Variants in R3HDM1 observed in about 807,000 individuals in gnomAD.
R3HDM1 encodes the protein R3H domain containing 1.
Under a neutral mutation model 141.1 loss-of-function variants are expected in R3HDM1, and 46 were observed. That is an observed-to-expected ratio of 0.33 (90% CI 0.26 to 0.42). R3HDM1 has a LOEUF of 0.42. R3HDM1 is among the 10% of genes least tolerant of loss of function. The probability of loss-of-function intolerance (pLI) is 1.00; values close to 1 mark genes in which losing one functional copy is unlikely to be tolerated. For synonymous variants in R3HDM1, 435 were observed against 472.9 expected, an observed-to-expected ratio of 0.92 and a Z score of 1.04; for missense variants, 1,184 against 1,368.3, an observed-to-expected ratio of 0.87 and a Z score of 2.12.
At chr2:135,677,922 G>A (rs529893472) in intron 20 of R3HDM1, among the ~76,000 whole-genome samples, 57 of 151,886 alleles carry the variant, frequency 3.8e-4, no homozygotes, top group Non-Finnish European at 6.0e-4. Flanking sequence ...GTGGTCGGTC[G>A]CTTGCTCTCT....
At chr2:135,658,960 C>CGTGGAGCTGTCGTCTCCTAT (rs2066277747) in intron 18 of R3HDM1, among the ~76,000 whole-genome samples, 1 of 151,994 alleles carries the variant, frequency 6.6e-6, no homozygotes, top group Non-Finnish European at 1.5e-5. Context: ...CAGTAACACA[C>CGTGGAGCTGTCGTCTCCTAT]GTGGAGCTGT....
In R3HDM1 at chr2:135,675,376, G is replaced by T; in HGVS notation, c.2197G>T (p.Val733Phe). Reference protein sequence around the residue: ...PNQQQNYQGIVGVQQPQSQSL... With the variant: ...PNQQQNYQGIFGVQQPQSQSL... ...CCAGCAGCAAAACTACCAAGGAATA[G>T]TTGGAGTTCAGCAACCCCAGAGTCA... is the stretch of plus-strand genomic sequence containing the variant. Residue 733 changes from valine (V) to phenylalanine (F), a missense_variant, in exon 20 of 27, where the codon GTT becomes TTT. Coordinates refer to ENST00000683871, the MANE Select transcript of R3HDM1 (RefSeq NM_001378107.1). The T allele has an allele frequency of 1.2e-6, 2 of 1,613,940 alleles. No individual in the cohort carries two copies. Among genetic ancestry groups the T allele is most frequent in the Non-Finnish European group, 1.7e-6 (2 of 1,179,882 alleles).
intron 1 of R3HDM1, chr2:135,565,906 G>A (rs917533933): frequency 6.6e-6 from 1 of 152,208 alleles, no homozygotes; most frequent in Non-Finnish European, 1.5e-5. Flanking sequence ...CTATTTATTG[G>A]TGATCAAACA....
At chr2:135,616,882 G>A (rs2061068650) in intron 5 of R3HDM1, 125 bp downstream of exon 5, 1 of 801,252 alleles carries the variant, frequency 1.2e-6, no homozygotes, top group Non-Finnish European at 2.0e-6. Context: ...AATAATACTT[G>A]GCACCCAAGA....
At chr2:135,532,852 C>G (rs1695219290) in intron 1 of R3HDM1, among the ~76,000 whole-genome samples, 1 of 152,170 alleles carries the variant, frequency 6.6e-6, no homozygotes, top group Non-Finnish European at 1.5e-5. Context: ...GTACGCTCGT[C>G]TTTTCAAATA....
chr2:135,677,686 T>C (rs2069439848), intron 20 of R3HDM1, among the ~76,000 whole-genome samples: 1 of 152,208 alleles, frequency 6.6e-6, no homozygotes, highest in Non-Finnish European at 1.5e-5. Context: ...AATTCTCACA[T>C]TGGCTGAATA....
rs1057337751 is a variant in R3HDM1, at chr2:135,558,940, A to G, written c.-250+27307A>G. On this transcript the variant is annotated intron_variant, in intron 1 of 26. Transcript: ENST00000683871. Reference sequence around the variant, plus strand: ...TTTTCTTCTCTGAAAGTCAAAATGTAATTTAAAAAGTTTAAAGGGTTACTA... The same window carrying G: ...TTTTCTTCTCTGAAAGTCAAAATGTGATTTAAAAAGTTTAAAGGGTTACTA... 8.1e-6 allele frequency: 7 copies of G among 860,058 alleles called. No homozygotes were observed. The African/African-American group carries it at 9.1e-5, about 11-fold the overall frequency. 53.3% of individuals were successfully genotyped at this position (860,058 alleles called of 1,614,324 possible).
Position 135,722,049 on chromosome 2 carries a change from C to T in R3HDM1, c.2964+43C>T, listed in dbSNP as rs201476614. 17 of 1,562,908 alleles carry T rather than the reference C, an allele frequency of 1.1e-5. No homozygotes were observed. In the African/African-American group the frequency reaches 2.2e-4, roughly 20 times the overall value. On this transcript the variant is annotated intron_variant, in intron 25 of 26. Coordinates refer to ENST00000683871, the MANE Select transcript of R3HDM1 (RefSeq NM_001378107.1). ...CCTCCTAGGCTTTGTTGCAGAACAT[C>T]ATAGCTCCCTCAGAGTGTAAGGGGC...
intron 21 of R3HDM1, among the ~76,000 whole-genome samples, chr2:135,706,804 G>A (rs529007855): frequency 2.0e-5 from 3 of 152,182 alleles, no homozygotes; most frequent in Non-Finnish European, 2.9e-5. Context: ...GCAACCATCC[G>A]ATTTCTCAAT....
In R3HDM1 at chr2:135,578,565, T is replaced by A. The variant is rs139591813; in HGVS notation, c.-249-23935T>A. The stretch of plus-strand genomic sequence containing the variant: ...CAAGTGTGGAGAAAGGAGCCCAAAA[T>A]GTAATGCAAGCACTAACAGATGAAC... On this transcript the variant is annotated intron_variant, in intron 1 of 26. Coordinates refer to ENST00000683871, the MANE Select transcript of R3HDM1 (RefSeq NM_001378107.1). 6.2e-4 allele frequency among the ~76,000 whole-genome samples: 95 copies of A among 152,324 alleles called. 1 individual carries two copies. In the East Asian group the frequency reaches 0.016, roughly 26 times the overall value.
intron 3 of R3HDM1, among the ~76,000 whole-genome samples, chr2:135,612,410 A>G (rs1210453574): frequency 6.6e-6 from 1 of 152,056 alleles, no homozygotes; most frequent in Non-Finnish European, 1.5e-5. Flanking sequence ...TAAATGTCAG[A>G]TTTTCTTAGT....
chr2:135,562,662 A>G (rs763468561), intron 1 of R3HDM1, among the ~76,000 whole-genome samples: 5 of 152,218 alleles, frequency 3.3e-5, no homozygotes, highest in African/African-American at 4.8e-5. Context: ...CTTCAGGTTC[A>G]TGAAGACCTG....
intron 1 of R3HDM1, among the ~76,000 whole-genome samples, chr2:135,593,284 T>C (rs1020893084): frequency 8.5e-5 from 13 of 152,194 alleles, no homozygotes; most frequent in African/African-American, 3.1e-4. Context: ...CCCTGAGTTA[T>C]TTATTTCAGT....
intron 14 of R3HDM1, among the ~76,000 whole-genome samples, chr2:135,639,529 A>AT (rs929864982): frequency 6.6e-6 from 1 of 152,150 alleles, no homozygotes; most frequent in Non-Finnish European, 1.5e-5. Flanking sequence ...TATTGATTGC[A>AT]TTTTTTATGA....
intron 9 of R3HDM1, among the ~76,000 whole-genome samples, chr2:135,633,355 A>G (rs996377998): frequency 2.0e-5 from 3 of 152,202 alleles, no homozygotes; most frequent in African/African-American, 7.2e-5. Context: ...ACACAAGCAC[A>G]TATACATTAG....
At chr2:135,663,452 CCTCTTAA>C (rs1328951888) in intron 19 of R3HDM1, among the ~76,000 whole-genome samples, 124 of 152,256 alleles carry the variant, frequency 8.1e-4, no homozygotes, top group African/African-American at 2.7e-3. Context: ...TATATAGTAT[CCTCTTAA>C]CTTACAGCTT....
In R3HDM1 at chr2:135,649,925, T is replaced by G. The variant is rs2064963102; in HGVS notation, c.1647T>G (p.Ser549=). 1 of 1,291,194 alleles carries G rather than the reference T, an allele frequency of 7.7e-7. No homozygotes were observed. Among genetic ancestry groups the G allele is most frequent in the African/African-American group, 1.5e-5 (1 of 65,664 alleles). The allele number at this position is 1,291,194 out of a possible 1,614,324, so 80.0% of individuals were successfully genotyped here. A position where few individuals can be genotyped will look rare whatever the true frequency, so the allele number is the denominator to read the frequency against. ...AGCCTGTTCATCCTCTGCAGTCCTC[T>G]TCACAGCCTGTTCAGTACTCTACAG... The part of the protein sequence containing the change: ...FSQPVHPLQS[S]SQPVQYSTAP... The change falls in exon 17 of 27, where the codon TCT becomes TCG. Residue 549 remains serine, a synonymous_variant. Coordinates refer to ENST00000683871, the MANE Select transcript of R3HDM1 (RefSeq NM_001378107.1).
chr2:135,641,764 G>T lies in R3HDM1; in HGVS notation c.1448G>T (p.Gly483Val), dbSNP rs780566390. ...LPLEAAGIPPGSILINPQTGQ... is the reference protein window; with the variant it reads ...LPLEAAGIPPVSILINPQTGQ... ...TTGGAAGCGGCAGGCATACCACCTG[G>T]CAGTATTCTGATCAACCCACAAACA... The change falls in exon 15 of 27, where the codon GGC (glycine) becomes GTC (valine). Residue 483 changes from glycine to valine, a missense_variant. By Grantham distance (109) the Gly-to-Val change is moderately radical (BLOSUM62 -3). Around this residue, in one of 5 missense-constraint regions of R3HDM1, gnomAD observed 563 missense variants for 562.0 expected, o/e 1.00. Coordinates refer to ENST00000683871, the MANE Select transcript of R3HDM1 (RefSeq NM_001378107.1). 1 of 1,613,940 alleles carries T rather than the reference G, an allele frequency of 6.2e-7. No individual in the cohort carries two copies. Among genetic ancestry groups the T allele is most frequent in the Non-Finnish European group, 8.5e-7 (1 of 1,179,916 alleles).
intron 1 of R3HDM1, chr2:135,559,012 A>T: frequency 1.0e-6 from 1 of 984,134 alleles, no homozygotes; most frequent in Non-Finnish European, 1.2e-6. Flanking sequence ...AAAACTTAAA[A>T]CTAAAATACC....
Sources: allele counts gnomAD v4.1 joint callset (sites outside exome capture counted in the v4.1 genomes callset), GRCh38; gene constraint gnomAD v4.1.1; regional missense constraint gnomAD v4.1.1; transcripts MANE v1.5; gene names NCBI Gene and HGNC (gene_info 2026-07-23, HGNC 2026-07-21).